The following FEZF2 variants were observed in gnomAD, a reference collection of about 807,000 sequenced individuals.
FEZF2 encodes the protein fez family zinc finger protein 2.
FEZF2 carries 2 observed loss-of-function variants against 32.8 expected under a neutral mutation model. The ratio of observed to expected loss-of-function variants is 0.06; its 90% CI spans 0.02 to 0.19. The LOEUF is 0.19. Among genes scored for constraint, FEZF2 ranks in the 10% least tolerant of loss-of-function variants. FEZF2 has a pLI of 1.00. For missense variants in FEZF2, 516 were observed against 625.4 expected (o/e 0.83, Z 1.87); for synonymous variants, 322 against 284.8 (o/e 1.13, Z -1.32).
rs750692736 is a variant in FEZF2, at chr3:62,372,817, C to T, written c.52G>A (p.Ala18Thr). 1.3e-6 allele frequency: 2 copies of T among 1,529,818 alleles called. No individual in the cohort carries two copies. Among genetic ancestry groups the T allele is most frequent in the Non-Finnish European group, 1.8e-6 (2 of 1,133,080 alleles). 94.8% of individuals were successfully genotyped at this position (1,529,818 alleles called of 1,614,324 possible). ...ETMVPPACPR[A>T]GASPATSKTL... ...TTGGAAGTGGCCGGCGACGCTCCGGCGCGCGGGCAGGCCGGGGGCACCATG... is the reference window on the plus strand; with the variant it reads ...TTGGAAGTGGCCGGCGACGCTCCGGTGCGCGGGCAGGCCGGGGGCACCATG... Residue 18 changes from alanine (A) to threonine (T), a missense_variant, in exon 2 of 5, where the codon GCC (alanine) becomes ACC (threonine). This residue lies in a region of FEZF2 where 408 missense variants were observed against 382.2 expected (regional missense o/e 1.07). Coordinates refer to ENST00000283268, the MANE Select transcript of FEZF2 (RefSeq NM_018008.4). The surrounding 1 kb of genome is among the most constrained non-coding windows in gnomAD (Gnocchi z 9.6).
At position 62,373,017 on chromosome 3, in the gene FEZF2, G is replaced by A. The variant is rs1704297265; in HGVS notation, c.-58-91C>T. 1.4e-6 allele frequency: 1 copy of A among 730,494 alleles called. No homozygotes were observed. Among genetic ancestry groups the A allele is most frequent in the Non-Finnish European group, 1.9e-6 (1 of 519,896 alleles). 45.3% of individuals were successfully genotyped at this position (730,494 alleles called of 1,614,324 possible). Reference sequence around the variant, plus strand: ...CCCATTTGCATTCAAATGAACAGGGGCAAAACAAAGTGCACCCAAGGGTAC... The same window carrying A: ...CCCATTTGCATTCAAATGAACAGGGACAAAACAAAGTGCACCCAAGGGTAC... On this transcript the variant is annotated intron_variant, in intron 1 of 4. Transcript: ENST00000283268. This position sits in a 1 kb window ranked among gnomAD's most constrained non-coding sequence, Gnocchi z 5.5.
Position 62,372,874 on chromosome 3 carries a change from G to C in FEZF2, c.-6C>G. ...AGGGAAGCCGAGCTTGCCATGGCGCGCGGAGCTGAGCCGAGCCAGGCTGGG... is the reference window on the plus strand; with the variant it reads ...AGGGAAGCCGAGCTTGCCATGGCGCCCGGAGCTGAGCCGAGCCAGGCTGGG... On this transcript the variant is annotated 5_prime_UTR_variant, in exon 2 of 5. Transcript: ENST00000283268. This position sits in a 1 kb window ranked among gnomAD's most constrained non-coding sequence, Gnocchi z 9.6. 7.1e-7 allele frequency: 1 copy of C among 1,403,456 alleles called. No homozygotes were observed. The highest frequency in any genetic ancestry group is 1.6e-5 in the South Asian group (1 of 64,168). The allele number at this position is 1,403,456 out of a possible 1,614,324, so 86.9% of individuals were successfully genotyped here.
At position 62,372,010 on chromosome 3, in the gene FEZF2, G is replaced by C. The variant is rs1420873545; in HGVS notation, c.852+7C>G. 1 of 1,601,302 alleles carries C rather than the reference G, an allele frequency of 6.2e-7. No individual in the cohort carries two copies. The highest frequency in any genetic ancestry group is 2.2e-5 in the East Asian group (1 of 44,724). ...CCCGGCCCCCCTCGCCGAACCCTGG[G>C]CCTCACCTTGCCGCACACCTCGCAG... On this transcript the variant is annotated splice_region_variant and intron_variant, in intron 2 of 4. Coordinates refer to ENST00000283268, the MANE Select transcript of FEZF2 (RefSeq NM_018008.4). The surrounding 1 kb of genome is among the most constrained non-coding windows in gnomAD (Gnocchi z 9.6).
In FEZF2 at chr3:62,373,039, G is replaced by T; in HGVS notation, c.-58-113C>A. On this transcript the variant is annotated intron_variant, in intron 1 of 4. Transcript: ENST00000283268. The surrounding 1 kb of genome is among the most constrained non-coding windows in gnomAD (Gnocchi z 5.5). The stretch of plus-strand genomic sequence containing the variant: ...GGGGCAAAACAAAGTGCACCCAAGG[G>T]TACCAAATTACCGCCCATTAACCCG... 1 of 540,636 alleles carries T rather than the reference G, an allele frequency of 1.8e-6. No homozygotes were observed. Among genetic ancestry groups the T allele is most frequent in the Non-Finnish European group, 2.8e-6 (1 of 360,746 alleles). The allele number at this position is 540,636 out of a possible 1,614,324, so 33.5% of individuals were successfully genotyped here.
chr3:62,371,749 C>A, intron 2 of FEZF2, 82 bp from the exon 3 acceptor site: 1 of 1,530,854 alleles, frequency 6.5e-7, no homozygotes, highest in South Asian at 1.3e-5. Flanking sequence ...GCCTACCTCC[C>A]CCAACCAACA....
At position 62,371,099 on chromosome 3, in the gene FEZF2, C is replaced by A. The variant is rs1704262411; in HGVS notation, c.1120+118G>T. ...ACAACCCGATTCTAAAGAAATGCTGCGCCCGCGCCTGCAGATTTCGCCTTC... is the reference window on the plus strand; with the variant it reads ...ACAACCCGATTCTAAAGAAATGCTGAGCCCGCGCCTGCAGATTTCGCCTTC... On this transcript the variant is annotated intron_variant, in intron 4 of 4. Coordinates refer to ENST00000283268, the MANE Select transcript of FEZF2 (RefSeq NM_018008.4). The A allele has an allele frequency of 4.1e-6, 6 of 1,461,262 alleles. No individual in the cohort carries two copies. In the South Asian group the frequency reaches 7.1e-5, roughly 17 times the overall value. 90.5% of individuals were successfully genotyped at this position (1,461,262 alleles called of 1,614,324 possible).
At chr3:62,371,751 CA>C (rs1704272463) in intron 2 of FEZF2, 84 bp from the exon 3 acceptor site, 6 of 1,527,088 alleles carry the variant, frequency 3.9e-6, no homozygotes, top group Admixed American at 2.1e-5. Flanking sequence ...CTACCTCCCC[CA>C]ACCAACACCC....
In FEZF2 at chr3:62,370,368, G is replaced by T; in HGVS notation, c.1121-26C>A. On this transcript the variant is annotated intron_variant, in intron 4 of 4. Transcript: ENST00000283268. This position sits in a 1 kb window ranked among gnomAD's most constrained non-coding sequence, Gnocchi z 4.2. Reference sequence around the variant, plus strand: ...CTACAACAGATCAAGAACAAAAAACGTGGGGGTATGGAGTAGAATGGTGGG... The same window carrying T: ...CTACAACAGATCAAGAACAAAAAACTTGGGGGTATGGAGTAGAATGGTGGG... 1.2e-6 allele frequency: 2 copies of T among 1,611,156 alleles called. No individual in the cohort carries two copies. The highest frequency in any genetic ancestry group is 1.1e-5 in the South Asian group (1 of 90,998).
rs1345289665 is a variant in FEZF2 at position 62,372,675 on chromosome 3, T to C, written c.194A>G (p.Asn65Ser). The C allele has an allele frequency of 6.8e-6, 11 of 1,607,316 alleles. No homozygotes were observed. The highest frequency in any genetic ancestry group is 9.3e-6 in the Non-Finnish European group (11 of 1,176,900). ...CATACAGGGCAGCGGCGAGCAGAGGTTGAGCAGTTTCTTGCCCTGGCTGCC... is the reference window on the plus strand; with the variant it reads ...CATACAGGGCAGCGGCGAGCAGAGGCTGAGCAGTTTCTTGCCCTGGCTGCC... ...ADGSQGKKLL[N>S]LCSPLPCMIP... is the part of the protein sequence containing the mutation. The change falls in exon 2 of 5, where the codon AAC becomes AGC. Residue 65 changes from asparagine to serine, a missense_variant. This residue lies in a region of FEZF2 where 408 missense variants were observed against 382.2 expected (regional missense o/e 1.07). Coordinates refer to ENST00000283268, the MANE Select transcript of FEZF2 (RefSeq NM_018008.4). This position sits in a 1 kb window ranked among gnomAD's most constrained non-coding sequence, Gnocchi z 9.6.
At chr3:62,371,904 GTCA>G in intron 2 of FEZF2, 110 bp downstream of exon 2, 2 of 1,457,788 alleles carry the variant, frequency 1.4e-6, no homozygotes, top group Non-Finnish European at 1.8e-6. Flanking sequence ...AGTTTGGGTA[GTCA>G]ACTACTGGGG....
chr3:62,370,251 T>C lies in FEZF2; in HGVS notation c.1212A>G (p.Leu404=). ...CGTTGTGGGTGTGCATATGGAAGGTTAGGTTGTAGACCTGGTGGAAGGCCT... is the reference window on the plus strand; with the variant it reads ...CGTTGTGGGTGTGCATATGGAAGGTCAGGTTGTAGACCTGGTGGAAGGCCT... ...CNKAFHQVYN[L]TFHMHTHNDK... Residue 404 remains leucine (L), a synonymous_variant, in exon 5 of 5, where the codon CTA becomes CTG. Coordinates refer to ENST00000283268, the MANE Select transcript of FEZF2 (RefSeq NM_018008.4). This position sits in a 1 kb window ranked among gnomAD's most constrained non-coding sequence, Gnocchi z 4.2. 6.2e-7 allele frequency: 1 copy of C among 1,614,238 alleles called. No individual in the cohort carries two copies. Among genetic ancestry groups the C allele is most frequent in the South Asian group, 1.1e-5 (1 of 91,088 alleles).
At position 62,372,810 on chromosome 3, in the gene FEZF2, G is replaced by A; in HGVS notation, c.59C>T (p.Ala20Val). Residue 20 changes from alanine (A) to valine (V), a missense_variant, in exon 2 of 5, where the codon GCG becomes GTG. Physicochemically the swap from Ala to Val is moderately conservative, Grantham distance 64 (BLOSUM62 0). Around this residue, in one of 3 missense-constraint regions of FEZF2, gnomAD observed 408 missense variants for 382.2 expected, o/e 1.07. Coordinates refer to ENST00000283268, the MANE Select transcript of FEZF2 (RefSeq NM_018008.4). The surrounding 1 kb of genome is among the most constrained non-coding windows in gnomAD (Gnocchi z 9.6). ...MVPPACPRAG[A>V]SPATSKTLAF... ...CAGTGTCTTGGAAGTGGCCGGCGAC[G>A]CTCCGGCGCGCGGGCAGGCCGGGGG... 1 of 1,539,372 alleles carries A rather than the reference G, an allele frequency of 6.5e-7. No homozygotes were observed. Among genetic ancestry groups the A allele is most frequent in the Non-Finnish European group, 8.8e-7 (1 of 1,138,496 alleles).
At chr3:62,371,185 G>T (rs199928172) in intron 4 of FEZF2, 32 bp downstream of exon 4, 2 of 1,614,062 alleles carry the variant, frequency 1.2e-6, no homozygotes, top group African/African-American at 2.7e-5. Context: ...CTGAGGTGAG[G>T]TGAGAAGAGA....
chr3:62,372,187 G>C lies in FEZF2; in HGVS notation c.682C>G (p.His228Asp), dbSNP rs182383671. 23 of 1,580,154 alleles carry C rather than the reference G, an allele frequency of 1.5e-5. No homozygotes were observed. The highest frequency in any genetic ancestry group is 9.1e-5 in the Admixed American group (5 of 54,700). Reference sequence around the variant, plus strand: ...TCCTTATGGGGATAGGGAGCCGGGTGGGGGAACTTGTCCGCAGCCAGGCCG... The same window carrying C: ...TCCTTATGGGGATAGGGAGCCGGGTCGGGGAACTTGTCCGCAGCCAGGCCG... ...LAGLAADKFP[H>D]PAPYPHKERL... The change falls in exon 2 of 5, where the codon CAC becomes GAC. Residue 228 changes from histidine to aspartate, a missense_variant. Physicochemically the swap from His to Asp is moderately conservative, Grantham distance 81 (BLOSUM62 -1). This residue lies in a region of FEZF2 where 408 missense variants were observed against 382.2 expected (regional missense o/e 1.07). Transcript: ENST00000283268. This position sits in a 1 kb window ranked among gnomAD's most constrained non-coding sequence, Gnocchi z 9.6.
In FEZF2 at chr3:62,371,671, T is replaced by C. The variant is rs1559836100; in HGVS notation, c.853-4A>G. ...GATTATAGTGAGCGTTAAACACCTA[T>C]GGAAAGACATGGGGGGCCTTGTGGT... On this transcript the variant is annotated splice_polypyrimidine_tract_variant and splice_region_variant and intron_variant, in intron 2 of 4. Coordinates refer to ENST00000283268, the MANE Select transcript of FEZF2 (RefSeq NM_018008.4). 2 of 1,607,238 alleles carry C rather than the reference T, an allele frequency of 1.2e-6. No individual in the cohort carries two copies. Among genetic ancestry groups the C allele is most frequent in the East Asian group, 2.2e-5 (1 of 44,720 alleles).
Position 62,372,680 on chromosome 3 carries a change from C to A in FEZF2, c.189G>T (p.Leu63=). Residue 63 remains leucine (L), a synonymous_variant, in exon 2 of 5, where the codon CTG becomes CTT. Coordinates refer to ENST00000283268, the MANE Select transcript of FEZF2 (RefSeq NM_018008.4). The surrounding 1 kb of genome is among the most constrained non-coding windows in gnomAD (Gnocchi z 9.6). ...AGGGCAGCGGCGAGCAGAGGTTGAGCAGTTTCTTGCCCTGGCTGCCGTCCG... is the reference window on the plus strand; with the variant it reads ...AGGGCAGCGGCGAGCAGAGGTTGAGAAGTTTCTTGCCCTGGCTGCCGTCCG... ...LEADGSQGKK[L]LNLCSPLPCM... 1 of 1,608,122 alleles carries A rather than the reference C, an allele frequency of 6.2e-7. No individual in the cohort carries two copies. The highest frequency in any genetic ancestry group is 1.1e-5 in the South Asian group (1 of 90,124).
In FEZF2 at chr3:62,370,362, A is replaced by G. The variant is rs983531795; in HGVS notation, c.1121-20T>C. 1 of 1,611,564 alleles carries G rather than the reference A, an allele frequency of 6.2e-7. No homozygotes were observed. Among genetic ancestry groups the G allele is most frequent in the Non-Finnish European group, 8.5e-7 (1 of 1,178,178 alleles). On this transcript the variant is annotated intron_variant, in intron 4 of 4. Coordinates refer to ENST00000283268, the MANE Select transcript of FEZF2 (RefSeq NM_018008.4). This position sits in a 1 kb window ranked among gnomAD's most constrained non-coding sequence, Gnocchi z 4.2. ...AGTTCCCTACAACAGATCAAGAACA[A>G]AAAACGTGGGGGTATGGAGTAGAAT... is the stretch of plus-strand genomic sequence containing the variant.
chr3:62,372,704 C>T lies in FEZF2; in HGVS notation c.165G>A (p.Ala55=), dbSNP rs777974497. Residue 55 remains alanine, a synonymous_variant, in exon 2 of 5, where the codon GCG becomes GCA. Transcript: ENST00000283268. This position sits in a 1 kb window ranked among gnomAD's most constrained non-coding sequence, Gnocchi z 9.6. ...GCAGTTTCTTGCCCTGGCTGCCGTCCGCCTCTAGCGCTCCAGGCCGGGGCT... is the reference window on the plus strand; with the variant it reads ...GCAGTTTCTTGCCCTGGCTGCCGTCTGCCTCTAGCGCTCCAGGCCGGGGCT... ...PFEPRPGALE[A]DGSQGKKLLN... 7.5e-6 allele frequency: 12 copies of T among 1,608,668 alleles called. No individual in the cohort carries two copies. The African/African-American group carries it at 1.5e-4, about 20-fold the overall frequency.
At position 62,372,244 on chromosome 3, in the gene FEZF2, T is replaced by C; in HGVS notation, c.625A>G (p.Lys209Glu). 2.5e-6 allele frequency: 4 copies of C among 1,580,212 alleles called. No individual in the cohort carries two copies. The highest frequency in any genetic ancestry group is 3.4e-6 in the Non-Finnish European group (4 of 1,162,908). The change falls in exon 2 of 5, where the codon AAG (lysine) becomes GAG (glutamate). Residue 209 changes from lysine (K) to glutamate (E), a missense_variant. By Grantham distance (56) the Lys-to-Glu change is moderately conservative. Transcript: ENST00000283268. The surrounding 1 kb of genome is among the most constrained non-coding windows in gnomAD (Gnocchi z 9.6). ...TTGGCGTTCTCCAGCAGAAAGAGCT[T>C]GGGGTGAGCAGCCAGGGCGGCGGGG... Reference protein sequence around the residue: ...QAPAALAAHPKLFLLENAKLA... With the variant: ...QAPAALAAHPELFLLENAKLA...
Sources: gnomAD v4.1 joint callset for allele counts on GRCh38, gnomAD v4.1.1 for gene constraint, gnomAD v4.1.1 regional missense constraint, Gnocchi (gnomAD v3.1) non-coding constraint, MANE v1.5 for transcripts, NCBI Gene and HGNC (gene_info 2026-07-23, HGNC 2026-07-21) for gene names.